The following EIF4G3 variants were observed in gnomAD, a reference collection of about 807,000 sequenced individuals.
The protein encoded by EIF4G3 is eukaryotic translation initiation factor 4 gamma 3.
A neutral mutation model predicts 186.4 loss-of-function variants in EIF4G3; 34 were observed. The observed-to-expected ratio is 0.18, with a 90% CI of 0.14 to 0.24. The LOEUF is 0.24. Ranked by LOEUF, EIF4G3 falls within the 10% of genes least tolerant of loss-of-function variation. The probability of loss-of-function intolerance (pLI) is 1.00; values close to 1 mark genes in which losing one functional copy is unlikely to be tolerated. For synonymous variants in EIF4G3, 673 were observed against 679.5 expected, an observed-to-expected ratio of 0.99 and a Z score of 0.15; for missense variants, 1,536 against 1,948.5, an observed-to-expected ratio of 0.79 and a Z score of 3.99.
chr1:21,013,420 G>C (rs2087811072), intron 4 of EIF4G3, among the ~76,000 whole-genome samples: 1 of 152,190 alleles, frequency 6.6e-6, no homozygotes, highest in Non-Finnish European at 1.5e-5. Context: ...GCCAAGTTGG[G>C]AGGAATCCAC....
At chr1:20,991,165 T>A (rs890930470) in intron 7 of EIF4G3, among the ~76,000 whole-genome samples, 1 of 152,144 alleles carries the variant, frequency 6.6e-6, no homozygotes, top group African/African-American at 2.4e-5. Context: ...TCCCGGCATG[T>A]GGTCAATATT....
chr1:21,175,774 G>A (rs1322048518), intron 2 of EIF4G3: 1 of 152,874 alleles, frequency 6.5e-6, no homozygotes, highest in Non-Finnish European at 1.5e-5. Flanking sequence ...GGGAGCCGAG[G>A]GGAGGTGAAG....
chr1:20,813,796 A>G (rs967619137), intron 34 of EIF4G3, among the ~76,000 whole-genome samples: 53 of 150,490 alleles, frequency 3.5e-4, no homozygotes, highest in African/African-American at 1.2e-3. Context: ...CAGTGAGCCA[A>G]GATTGCACCA....
chr1:21,072,380 GAC>G (rs1372641221), intron 3 of EIF4G3, among the ~76,000 whole-genome samples: 1 of 151,936 alleles, frequency 6.6e-6, no homozygotes, highest in Non-Finnish European at 1.5e-5. Flanking sequence ...TACAGAAAAA[GAC>G]ATTTAATTTT....
chr1:20,867,894 T>C (rs1262495467), intron 20 of EIF4G3, among the ~76,000 whole-genome samples: 1 of 152,138 alleles, frequency 6.6e-6, no homozygotes, highest in Non-Finnish European at 1.5e-5. Context: ...GTATTAAAAC[T>C]GAATAACTAG....
Position 21,101,026 on chromosome 1 carries a change from C to T in EIF4G3, c.-271-11813G>A, listed in dbSNP as rs573294225. ...CAGCCAATAAACCCAAGTCAAAGCA[C>T]GCTTATACTAAATCAGATGAAGACT... On this transcript the variant is annotated intron_variant, in intron 2 of 36. Transcript: ENST00000602326. Among the ~76,000 whole-genome samples the T allele has an allele frequency of 1.1e-3, 171 of 152,158 alleles. 1 individual carries two copies. The highest frequency in any genetic ancestry group is 4.0e-3 in the African/African-American group (165 of 41,508).
intron 4 of EIF4G3, among the ~76,000 whole-genome samples, chr1:21,011,426 G>C (rs1452668763): frequency 1.3e-5 from 2 of 152,026 alleles, no homozygotes; most frequent in Non-Finnish European, 2.9e-5. Context: ...TTTCCCTAAT[G>C]GTAATATCTA....
intron 2 of EIF4G3, among the ~76,000 whole-genome samples, chr1:21,125,641 C>T (rs1488252214): frequency 1.3e-5 from 2 of 151,874 alleles, no homozygotes; most frequent in Non-Finnish European, 2.9e-5. Context: ...ATCGCTTGAG[C>T]CTGGGAGGCA....
At chr1:20,960,413 C>A (rs1477679691) in intron 12 of EIF4G3, among the ~76,000 whole-genome samples, 3 of 151,724 alleles carry the variant, frequency 2.0e-5, no homozygotes, top group Non-Finnish European at 2.9e-5. Flanking sequence ...TTGCAGTGAG[C>A]CAAGATCATG....
intron 2 of EIF4G3, among the ~76,000 whole-genome samples, chr1:21,157,034 G>A (rs1164276898): frequency 6.6e-6 from 1 of 152,038 alleles, no homozygotes; most frequent in Non-Finnish European, 1.5e-5. Flanking sequence ...CTCCAGCCTA[G>A]GCAACAAAGC....
rs142813869 is a variant in EIF4G3 at position 21,123,380 on chromosome 1, C to T, written c.-271-34167G>A. 3.0e-3 allele frequency among the ~76,000 whole-genome samples: 454 copies of T among 151,866 alleles called. 2 individuals carry two copies. The highest frequency in any genetic ancestry group is 6.8e-3 in the Middle Eastern group (2 of 294). On this transcript the variant is annotated intron_variant, in intron 2 of 36. Coordinates refer to ENST00000602326, the MANE Select transcript of EIF4G3 (RefSeq NM_001391906.1). ...GAGTTCAATACCAGCCTGTCCAACA[C>T]GGCAAAACCCTGTCTCTACTAAAAA...
intron 20 of EIF4G3, among the ~76,000 whole-genome samples, chr1:20,874,973 G>C (rs1422344521): frequency 6.6e-6 from 1 of 152,014 alleles, no homozygotes; most frequent in African/African-American, 2.4e-5. Context: ...CAGGACAGTG[G>C]TTACCTTTTT....
At chr1:20,876,642 G>T (rs1046703841) in intron 20 of EIF4G3, among the ~76,000 whole-genome samples, 1 of 152,142 alleles carries the variant, frequency 6.6e-6, no homozygotes, top group Non-Finnish European at 1.5e-5. Context: ...CAAGCAGAGA[G>T]TAATAACTGT....
At chr1:20,822,603 T>C (rs1432809367) in intron 33 of EIF4G3, among the ~76,000 whole-genome samples, 1 of 150,686 alleles carries the variant, frequency 6.6e-6, no homozygotes, top group Non-Finnish European at 1.5e-5. Context: ...TTTTTTTTTT[T>C]TGGTGATAGG....
intron 2 of EIF4G3, among the ~76,000 whole-genome samples, chr1:21,136,056 G>A (rs889071002): frequency 4.2e-4 from 64 of 152,188 alleles, no homozygotes; most frequent in Non-Finnish European, 4.6e-4. Context: ...GGTGGCGGGC[G>A]CCTGTAGTCC....
chr1:20,807,448 C>T lies in EIF4G3; in HGVS notation c.4797G>A (p.Glu1599=). 6.2e-7 allele frequency: 1 copy of T among 1,611,614 alleles called. No homozygotes were observed. ...TGCTCTCCCATTTGTAGAAGGCATCCTCGGAGATCACCTCCTCGTCATATA... is the reference window on the plus strand; with the variant it reads ...TGCTCTCCCATTTGTAGAAGGCATCTTCGGAGATCACCTCCTCGTCATATA... ...DCLYDEEVIS[E]DAFYKWESSK... is the part of the protein sequence containing the mutation. Residue 1599 remains glutamate, a synonymous_variant, in exon 37 of 37, where the codon GAG becomes GAA. Transcript: ENST00000602326.
At chr1:20,886,144 G>C in intron 19 of EIF4G3, 57 bp downstream of exon 19, 1 of 1,539,834 alleles carries the variant, frequency 6.5e-7, no homozygotes, top group Non-Finnish European at 8.8e-7. Context: ...AGCAAAATAA[G>C]TTAAAACAAA....
At chr1:21,138,310 C>T (rs569939774) in intron 2 of EIF4G3, among the ~76,000 whole-genome samples, 6 of 152,236 alleles carry the variant, frequency 3.9e-5, no homozygotes, top group South Asian at 2.1e-4. Context: ...AAAGAAGTCA[C>T]GAAAATTAAC....
intron 2 of EIF4G3, among the ~76,000 whole-genome samples, chr1:21,107,783 A>T (rs2102027535): frequency 6.6e-6 from 1 of 152,240 alleles, no homozygotes; most frequent in South Asian, 2.1e-4. Flanking sequence ...GACTCAAGCA[A>T]TTCTCCTGCT....
Sources: gnomAD v4.1 joint callset for allele counts (sites outside exome capture counted in the v4.1 genomes callset) on GRCh38, gnomAD v4.1.1 for gene constraint, MANE v1.5 for transcripts, NCBI Gene and HGNC (gene_info 2026-07-23, HGNC 2026-07-21) for gene names.